Variants in FAM114A1 observed in about 807,000 individuals in gnomAD.
FAM114A1 encodes the protein family with sequence similarity 114 member A1.
Under a neutral mutation model 64.3 loss-of-function variants are expected in FAM114A1, and 62 were observed. That is an observed-to-expected ratio of 0.96 (90% confidence interval 0.79 to 1.19). FAM114A1 has a LOEUF of 1.19. FAM114A1 is among the 50% of genes most tolerant of loss of function. The pLI, the probability that FAM114A1 is intolerant of heterozygous loss-of-function variation, is 0.00. For missense variants in FAM114A1, 645 were observed against 676.3 expected (o/e 0.95, Z 0.51); for synonymous variants, 254 against 251.1 (o/e 1.01, Z -0.11).
At chr4:38,930,162 C>T (rs1166295881) in intron 10 of FAM114A1, among the ~76,000 whole-genome samples, 2 of 152,208 alleles carry the variant, frequency 1.3e-5, no homozygotes, top group African/African-American at 2.4e-5. Context: ...CTTTAACAAT[C>T]TGGGTTCCTC....
At chr4:38,902,929 T>A (rs930286780) in intron 4 of FAM114A1, among the ~76,000 whole-genome samples, 1 of 152,218 alleles carries the variant, frequency 6.6e-6, no homozygotes, top group Non-Finnish European at 1.5e-5. Context: ...GAGGTTACTC[T>A]TTAGAGTAAG....
At chr4:38,943,435 C>T (rs1447575031) in intron 14 of FAM114A1, 21 bp from the exon 15 acceptor site, 2 of 1,606,318 alleles carry the variant, frequency 1.2e-6, no homozygotes, top group Non-Finnish European at 1.7e-6. Flanking sequence ...ACCCTTCAAC[C>T]TCATTTTTCT....
At chr4:38,922,655 G>A (rs138166980) in intron 8 of FAM114A1, 115 bp from the exon 9 acceptor site, 13 of 1,351,234 alleles carry the variant, frequency 9.6e-6, no homozygotes, top group East Asian at 7.5e-5. Flanking sequence ...TCAACCCAGC[G>A]ATACCTCCCA....
chr4:38,911,787 T>C, intron 7 of FAM114A1, among the ~76,000 whole-genome samples: 1 of 148,954 alleles, frequency 6.7e-6, no homozygotes, highest in African/African-American at 2.5e-5. Flanking sequence ...CACGTATTTT[T>C]ATCCTAGTGG....
At position 38,943,422 on chromosome 4, in the gene FAM114A1, A is replaced by G. The variant is rs529345952; in HGVS notation, c.1591-34A>G. On this transcript the variant is annotated intron_variant, in intron 14 of 14. Transcript: ENST00000358869. ...GTATTGTCAAGGTTGAACTATGAAAATAACCCTTCAACCTCATTTTTCTCC... is the reference window on the plus strand; with the variant it reads ...GTATTGTCAAGGTTGAACTATGAAAGTAACCCTTCAACCTCATTTTTCTCC... The G allele has an allele frequency of 8.3e-6, 13 of 1,567,508 alleles. No homozygotes were observed. In the East Asian group the frequency reaches 2.2e-4, roughly 27 times the overall value.
chr4:38,885,271 G>A (rs571468064), intron 3 of FAM114A1, among the ~76,000 whole-genome samples: 133 of 150,114 alleles, frequency 8.9e-4, no homozygotes, highest in African/African-American at 3.0e-3. Flanking sequence ...CACAAAGCCC[G>A]GCCCCGTCCT....
chr4:38,929,137 C>A, intron 9 of FAM114A1, 105 bp from the exon 10 acceptor site: 1 of 863,496 alleles, frequency 1.2e-6, no homozygotes, highest in South Asian at 1.4e-5. Flanking sequence ...GCTGCTACAA[C>A]CTCCACTTAG....
intron 4 of FAM114A1, among the ~76,000 whole-genome samples, chr4:38,898,423 CA>C (rs1717155379): frequency 1.3e-5 from 2 of 152,124 alleles, no homozygotes; most frequent in Non-Finnish European, 2.9e-5. Flanking sequence ...GCAAACTTGT[CA>C]AAATGATACT....
At chr4:38,930,403 G>A (rs1354900054) in intron 10 of FAM114A1, among the ~76,000 whole-genome samples, 5 of 152,124 alleles carry the variant, frequency 3.3e-5, no homozygotes, top group African/African-American at 4.8e-5. Flanking sequence ...TATCTCTGAT[G>A]GGGGTCACTG....
At chr4:38,900,932 A>G (rs1000278140) in intron 4 of FAM114A1, among the ~76,000 whole-genome samples, 5 of 139,968 alleles carry the variant, frequency 3.6e-5, no homozygotes, top group African/African-American at 5.3e-5. Flanking sequence ...AATGCATGTC[A>G]TGTGCATTTT....
intron 2 of FAM114A1, among the ~76,000 whole-genome samples, chr4:38,868,861 C>G (rs1363243294): frequency 1.3e-5 from 2 of 152,206 alleles, no homozygotes; most frequent in African/African-American, 2.4e-5. Context: ...GCCCTCCTTT[C>G]TTCCATCAAG....
Position 38,943,678 on chromosome 4 carries a change from A to G in FAM114A1, c.*121A>G. ...CATCCATTTGAGGACACTACAAGCA[A>G]TTTTGCACAGACAATATTGAGAATG... On this transcript the variant is annotated 3_prime_UTR_variant, in exon 15 of 15. Coordinates refer to ENST00000358869, the MANE Select transcript of FAM114A1 (RefSeq NM_138389.4). 1.4e-6 allele frequency: 1 copy of G among 706,998 alleles called. No individual in the cohort carries two copies. Among genetic ancestry groups the G allele is most frequent in the East Asian group, 2.6e-5 (1 of 37,806 alleles). 43.8% of individuals were successfully genotyped at this position (706,998 alleles called of 1,614,324 possible). A position where few individuals can be genotyped will look rare whatever the true frequency, so the allele number is the denominator to read the frequency against.
rs1386633507 is a variant in FAM114A1 at position 38,922,901 on chromosome 4, A to G, written c.1069+8A>G. On this transcript the variant is annotated splice_region_variant and intron_variant, in intron 9 of 14. Coordinates refer to ENST00000358869, the MANE Select transcript of FAM114A1 (RefSeq NM_138389.4). ...AAAATCAAGAAGAACAAGGTAAAGG[A>G]AAATAACTTAAATAGCAAGACAAAC... The G allele has an allele frequency of 9.4e-6, 15 of 1,602,090 alleles. No homozygotes were observed. Among genetic ancestry groups the G allele is most frequent in the Non-Finnish European group, 1.3e-5 (15 of 1,176,432 alleles).
At chr4:38,941,332 T>C (rs908798191) in intron 14 of FAM114A1, among the ~76,000 whole-genome samples, 1 of 152,244 alleles carries the variant, frequency 6.6e-6, no homozygotes. Flanking sequence ...ACTATGATTA[T>C]TGGCTGCAAT....
chr4:38,897,572 C>T (rs574688100), intron 4 of FAM114A1, among the ~76,000 whole-genome samples: 1 of 152,182 alleles, frequency 6.6e-6, no homozygotes, highest in Non-Finnish European at 1.5e-5. Context: ...ACTGTCATCA[C>T]ATTCTTAGAA....
At chr4:38,879,044 A>G (rs536971041) in intron 3 of FAM114A1, among the ~76,000 whole-genome samples, 1 of 152,212 alleles carries the variant, frequency 6.6e-6, no homozygotes, top group South Asian at 2.1e-4. Context: ...CCTATCTCTC[A>G]GGGTATGAGA....
intron 6 of FAM114A1, 152 bp from the exon 7 acceptor site, chr4:38,908,440 A>T: frequency 4.6e-6 from 3 of 651,550 alleles, no homozygotes; most frequent in Non-Finnish European, 7.3e-6. Context: ...CGAGAATAGG[A>T]TTAAATGGAT....
chr4:38,931,452 C>T lies in FAM114A1; in HGVS notation c.1163C>T (p.Ala388Val). ...TTGTTTGGTTGGGGACCTCTGCAGG[C>T]CATGAAGAGGGCTCATGACTGGGTG... The part of the protein sequence containing the change: ...VAATPDKLNK[A>V]MKRAHDWVEE... Residue 388 changes from alanine to valine, a missense_variant and splice_region_variant, in exon 11 of 15, where the codon GCC becomes GTC. Physicochemically the swap from Ala to Val is moderately conservative, Grantham distance 64 (BLOSUM62 0). Transcript: ENST00000358869. The T allele has an allele frequency of 6.2e-7, 1 of 1,608,294 alleles. No individual in the cohort carries two copies. Among genetic ancestry groups the T allele is most frequent in the Non-Finnish European group, 8.5e-7 (1 of 1,178,386 alleles).
chr4:38,902,945 G>A (rs1337438140), intron 4 of FAM114A1, among the ~76,000 whole-genome samples: 6 of 151,926 alleles, frequency 3.9e-5, no homozygotes, highest in African/African-American at 1.5e-4. Context: ...GTAAGGTGTG[G>A]CACAGTGTCT....
Sources: allele counts gnomAD v4.1 joint callset (sites outside exome capture counted in the v4.1 genomes callset), GRCh38; gene constraint gnomAD v4.1.1; transcripts MANE v1.5; gene names NCBI Gene and HGNC (gene_info 2026-07-23, HGNC 2026-07-21).